The following AATF variants were observed in gnomAD, a reference collection of about 807,000 sequenced individuals.
The protein encoded by AATF is protein AATF.
AATF carries 48 observed loss-of-function variants against 63.7 expected under a neutral mutation model. The ratio of observed to expected loss-of-function variants is 0.75; its 90% confidence interval spans 0.60 to 0.96. AATF has a LOEUF of 0.96. AATF is among the 40% of genes least tolerant of loss of function. The probability of loss-of-function intolerance (pLI) is 0.00; values close to 1 mark genes in which losing one functional copy is unlikely to be tolerated. For missense variants in AATF, 639 were observed against 685.7 expected (o/e 0.93, Z 0.76); for synonymous variants, 258 against 247.7 (o/e 1.04, Z -0.39).
rs71368436 is a variant in AATF, at chr17:37,007,359, ATTTTT to A, written c.1399-11623_1399-11619del. On this transcript the variant is annotated intron_variant, in intron 8 of 11. Transcript: ENST00000619387. ...TATGCCACCACACCTGGCTAATTTA[ATTTTT>A]TTTTTTTTTTTTTTTTTTTTTTAGC... Among the ~76,000 whole-genome samples the A allele has an allele frequency of 7.1e-5, 8 of 112,576 alleles. No individual in the cohort carries two copies. In the East Asian group the frequency reaches 1.2e-3, roughly 17 times the overall value. 73.9% of individuals were successfully genotyped at this position (112,576 alleles called of 152,430 possible).
chr17:36,971,103 C>T (rs1263313394), intron 4 of AATF, among the ~76,000 whole-genome samples: 1 of 152,042 alleles, frequency 6.6e-6, no homozygotes, highest in Non-Finnish European at 1.5e-5. Flanking sequence ...AAATCTTTTG[C>T]TCTGTGAAAG....
At chr17:36,985,144 C>T (rs1418888499) in intron 4 of AATF, among the ~76,000 whole-genome samples, 1 of 152,070 alleles carries the variant, frequency 6.6e-6, no homozygotes, top group African/African-American at 2.4e-5. Context: ...TTAGATGATC[C>T]ACCCGCCTCC....
chr17:36,951,175 C>G (rs1042643391), intron 2 of AATF, among the ~76,000 whole-genome samples: 1 of 152,072 alleles, frequency 6.6e-6, no homozygotes, highest in Non-Finnish European at 1.5e-5. Flanking sequence ...ATTTGTTTTC[C>G]TTTAGAAAGG....
At chr17:37,017,217 A>T (rs1188157722) in intron 8 of AATF, among the ~76,000 whole-genome samples, 1 of 152,256 alleles carries the variant, frequency 6.6e-6, no homozygotes, top group Non-Finnish European at 1.5e-5. Context: ...TAGGAAAACC[A>T]GGAACGGTTG....
intron 10 of AATF, among the ~76,000 whole-genome samples, chr17:37,022,436 A>C (rs987404540): frequency 2.0e-5 from 3 of 152,192 alleles, no homozygotes; most frequent in African/African-American, 7.2e-5. Flanking sequence ...ACTTTGCAGA[A>C]GTACACAGTA....
chr17:36,975,782 C>T lies in AATF; in HGVS notation c.833-10835C>T, dbSNP rs538199112. Among the ~76,000 whole-genome samples, 5 of 152,298 alleles carry T rather than the reference C, an allele frequency of 3.3e-5. No homozygotes were observed. In the South Asian group the frequency reaches 6.2e-4, roughly 19 times the overall value. On this transcript the variant is annotated intron_variant, in intron 4 of 11. Coordinates refer to ENST00000619387, the MANE Select transcript of AATF (RefSeq NM_012138.4). The stretch of plus-strand genomic sequence containing the variant: ...GCTAACTAAACTCATCAGTTGTGTA[C>T]GCAGAGTGCCCCTTTCGGCACGTTT...
chr17:37,011,285 G>A (rs1196426352), intron 8 of AATF, among the ~76,000 whole-genome samples: 1 of 152,332 alleles, frequency 6.6e-6, no homozygotes, highest in Non-Finnish European at 1.5e-5. Flanking sequence ...TGAGGCAGGA[G>A]AATTGCTTGA....
At chr17:36,982,190 C>CTT (rs1248073528) in intron 4 of AATF, among the ~76,000 whole-genome samples, 1 of 148,926 alleles carries the variant, frequency 6.7e-6, no homozygotes, top group East Asian at 1.9e-4. Context: ...CTTTTTAAGT[C>CTT]TGACTAATAC....
intron 11 of AATF, among the ~76,000 whole-genome samples, chr17:37,037,010 G>GT (rs374106722): frequency 0.15 from 20,284 of 133,314 alleles, 1,625 homozygotes; most frequent in Non-Finnish European, 0.19. Flanking sequence ...TCATCTTTTT[G>GT]TTTTTTTTTT....
rs568683744 is a variant in AATF at position 36,962,624 on chromosome 17, G to A, written c.832+8717G>A. ...GCAGGGCTATCCCATAGGCAGAGTG[G>A]CCCAGAGTAGCTCAGAAAAATAATT... is the stretch of plus-strand genomic sequence containing the variant. On this transcript the variant is annotated intron_variant, in intron 4 of 11. Coordinates refer to ENST00000619387, the MANE Select transcript of AATF (RefSeq NM_012138.4). Among the ~76,000 whole-genome samples, 210 of 151,960 alleles carry A rather than the reference G, an allele frequency of 1.4e-3. 1 individual carries two copies. Among genetic ancestry groups the A allele is most frequent in the African/African-American group, 5.0e-3 (205 of 41,362 alleles).
chr17:36,991,151 G>T (rs532337698), intron 8 of AATF, among the ~76,000 whole-genome samples: 1 of 152,266 alleles, frequency 6.6e-6, no homozygotes, highest in East Asian at 1.9e-4. Flanking sequence ...TTCTTTCTGA[G>T]CCATTTTTGA....
At chr17:36,986,114 A>C (rs1032195889) in intron 4 of AATF, among the ~76,000 whole-genome samples, 10 of 152,182 alleles carry the variant, frequency 6.6e-5, no homozygotes, top group Non-Finnish European at 1.3e-4. Flanking sequence ...GGCACATGAG[A>C]TCTCCTGGGG....
intron 10 of AATF, 80 bp from the exon 11 acceptor site, chr17:37,031,534 T>C: frequency 8.6e-7 from 1 of 1,162,028 alleles, no homozygotes; most frequent in Admixed American, 1.7e-5. Context: ...GTTCTGGAGT[T>C]TGTTAACTCA....
chr17:36,989,572 G>A (rs1001132818), intron 7 of AATF, among the ~76,000 whole-genome samples, 161 bp downstream of exon 7: 1 of 152,212 alleles, frequency 6.6e-6, no homozygotes, highest in African/African-American at 2.4e-5. Context: ...GTGTATGTGA[G>A]AGGAGAGAGT....
chr17:36,951,698 G>T (rs976102926), intron 2 of AATF, among the ~76,000 whole-genome samples: 1 of 152,192 alleles, frequency 6.6e-6, no homozygotes, highest in African/African-American at 2.4e-5. Context: ...AGTAAACTCT[G>T]TATGAATGTT....
At chr17:37,027,681 T>C (rs191122158) in intron 10 of AATF, among the ~76,000 whole-genome samples, 32 of 152,348 alleles carry the variant, frequency 2.1e-4, no homozygotes, top group African/African-American at 7.5e-4. Context: ...CAATTTACTA[T>C]TTTAAGAATT....
chr17:36,954,112 G>A (rs2070880340), intron 4 of AATF, among the ~76,000 whole-genome samples: 1 of 143,612 alleles, frequency 7.0e-6, no homozygotes, highest in South Asian at 2.3e-4. Context: ...CTGTTGCTGA[G>A]TCTCAAGTAC....
intron 4 of AATF, among the ~76,000 whole-genome samples, chr17:36,981,773 A>G (rs1370482681): frequency 6.7e-6 from 1 of 148,780 alleles, no homozygotes; most frequent in African/African-American, 2.5e-5. Context: ...CCTGGGCTCA[A>G]ATGATCCTCT....
intron 1 of AATF, 101 bp downstream of exon 1, chr17:36,949,317 C>A (rs1275762665): frequency 9.7e-6 from 11 of 1,139,400 alleles, no homozygotes; most frequent in Middle Eastern, 2.7e-4. Context: ...GCCGGGCCTG[C>A]GCTCCTTCGC....
Sources: allele counts gnomAD v4.1 joint callset (sites outside exome capture counted in the v4.1 genomes callset), GRCh38; gene constraint gnomAD v4.1.1; transcripts MANE v1.5; gene names NCBI Gene and HGNC (gene_info 2026-07-23, HGNC 2026-07-21).